The following LRRC17 variants were observed in gnomAD, a reference collection of about 807,000 sequenced individuals.
LRRC17 encodes the protein leucine rich repeat containing 17.
A neutral mutation model predicts 41.5 loss-of-function variants in LRRC17; 33 were observed. The observed-to-expected ratio is 0.80, with a 90% CI of 0.60 to 1.06. The LOEUF (loss-of-function observed/expected upper bound fraction) is 1.06, where lower values mean the gene tolerates loss of function less well. LRRC17 is among the 50% of genes least tolerant of loss of function. LRRC17 has a pLI of 0.00. For synonymous variants in LRRC17, 192 were observed against 197.0 expected (o/e 0.97, Z 0.21); for missense variants, 491 against 519.3 (o/e 0.95, Z 0.53).
intron 3 of LRRC17, among the ~76,000 whole-genome samples, chr7:102,940,640 C>A (rs1821242398): frequency 6.6e-6 from 1 of 152,206 alleles, no homozygotes; most frequent in African/African-American, 2.4e-5. Flanking sequence ...AAAATGTGCT[C>A]AAACCAGAGC....
In LRRC17 at chr7:102,945,038, C is replaced by T. The variant is rs1338668779; in HGVS notation, c.*431C>T. The T allele has an allele frequency of 6.5e-6, 1 of 153,424 alleles. No individual in the cohort carries two copies. The highest frequency in any genetic ancestry group is 2.4e-5 in the African/African-American group (1 of 41,468). 9.5% of individuals were successfully genotyped at this position (153,424 alleles called of 1,614,324 possible). ...GTTATAATAAAATGTCATTCCCTAC[C>T]CCTCTACTTTTTTTCAGTAAGTCAT... On this transcript the variant is annotated 3_prime_UTR_variant, in exon 4 of 4. Coordinates refer to ENST00000339431, the MANE Select transcript of LRRC17 (RefSeq NM_001031692.3).
intron 1 of LRRC17, chr7:102,931,951 C>G (rs771016951): frequency 6.2e-7 from 1 of 1,611,728 alleles, no homozygotes; most frequent in African/African-American, 1.3e-5. Flanking sequence ...AAATAAGTTA[C>G]ACGTCACTAA....
rs1468084797 is a variant in LRRC17 at position 102,934,315 on chromosome 7, C to T, written c.402C>T (p.Leu134=). ...TTGGTTTAAACAAACTCACCACCCT[C>T]TTACTGCAGCACAACCAGATCAAAG... The part of the protein sequence containing the change: ...AFFGLNKLTT[L]LLQHNQIKVL... The change falls in exon 2 of 4, where the codon CTC becomes CTT. Residue 134 remains leucine, a synonymous_variant. Transcript: ENST00000339431. 6.2e-7 allele frequency: 1 copy of T among 1,614,170 alleles called. No individual in the cohort carries two copies. The highest frequency in any genetic ancestry group is 2.2e-5 in the East Asian group (1 of 44,884).
chr7:102,913,098 A>C lies in LRRC17; in HGVS notation c.-188A>C, dbSNP rs114626804. ...CTGAAAGACAAACCTGGGTGCAGCC[A>C]GAGAGGTCCAGATAGATGAGCTTGT... On this transcript the variant is annotated 5_prime_UTR_variant, in exon 1 of 4. Coordinates refer to ENST00000339431, the MANE Select transcript of LRRC17 (RefSeq NM_001031692.3). 3 of 1,614,054 alleles carry C rather than the reference A, an allele frequency of 1.9e-6. No homozygotes were observed. The highest frequency in any genetic ancestry group is 2.5e-6 in the Non-Finnish European group (3 of 1,180,006).
intron 2 of LRRC17, among the ~76,000 whole-genome samples, chr7:102,938,886 A>G (rs1585042403): frequency 6.6e-6 from 1 of 152,214 alleles, no homozygotes; most frequent in African/African-American, 2.4e-5. Flanking sequence ...ATTTTTACCC[A>G]GGACTGCTGC....
rs1821595211 is a variant in LRRC17, at chr7:102,942,220, A to G, written c.929-1990A>G. On this transcript the variant is annotated intron_variant, in intron 3 of 3. Transcript: ENST00000339431. ...TAGAACAAAAGTTCTTTTGAAACAA[A>G]AAAGTATCTTGGCAGTTAAGGCAAA... 3 of 1,256,238 alleles carry G rather than the reference A, an allele frequency of 2.4e-6. No individual in the cohort carries two copies. The East Asian group carries it at 7.3e-5, about 30-fold the overall frequency. 77.8% of individuals were successfully genotyped at this position (1,256,238 alleles called of 1,614,324 possible).
intron 1 of LRRC17, among the ~76,000 whole-genome samples, chr7:102,913,992 G>A (rs1284404136): frequency 3.3e-5 from 5 of 152,180 alleles, no homozygotes; most frequent in African/African-American, 9.7e-5. Flanking sequence ...TAGTTAGGAT[G>A]AGCCTGTACT....
At position 102,931,754 on chromosome 7, in the gene LRRC17, T is replaced by C. The variant is rs1819218459; in HGVS notation, c.-140-2020T>C. 3.9e-6 allele frequency: 3 copies of C among 773,760 alleles called. No individual in the cohort carries two copies. In the Admixed American group the frequency reaches 8.0e-5, roughly 21 times the overall value. The allele number at this position is 773,760 out of a possible 1,614,324, so 47.9% of individuals were successfully genotyped here. A position where few individuals can be genotyped will look rare whatever the true frequency, so the allele number is the denominator to read the frequency against. On this transcript the variant is annotated intron_variant, in intron 1 of 3. Coordinates refer to ENST00000339431, the MANE Select transcript of LRRC17 (RefSeq NM_001031692.3). ...TGGAGTAAAATTTCTTGTCAATGTT[T>C]AACATAGTTTGCTCTTTTCCACATT...
At chr7:102,933,648 G>C in intron 1 of LRRC17, 126 bp from the exon 2 acceptor site, 1 of 243,936 alleles carries the variant, frequency 4.1e-6, no homozygotes, top group African/African-American at 2.2e-5. Context: ...AGAGGGGAAG[G>C]AGCTTTCTAC....
At position 102,934,597 on chromosome 7, in the gene LRRC17, G is replaced by A. The variant is rs772488729; in HGVS notation, c.684G>A (p.Gly228=). The stretch of plus-strand genomic sequence containing the variant: ...TGGACCCGAAACCCCAAGTGTCAGG[G>A]AGACCCCCAGTCATCAAGCCTGAGG... ...EQLDPKPQVS[G]RPPVIKPEVD... Residue 228 remains glycine, a synonymous_variant, in exon 2 of 4, where the codon GGG becomes GGA. Transcript: ENST00000339431. The A allele has an allele frequency of 3.1e-6, 5 of 1,613,990 alleles. No homozygotes were observed. The highest frequency in any genetic ancestry group is 2.5e-6 in the Non-Finnish European group (3 of 1,179,988).
In LRRC17 at chr7:102,934,082, T is replaced by C. The variant is rs781381258; in HGVS notation, c.169T>C (p.Tyr57His). The C allele has an allele frequency of 6.2e-6, 10 of 1,614,098 alleles. No individual in the cohort carries two copies. Among genetic ancestry groups the C allele is most frequent in the Non-Finnish European group, 8.5e-6 (10 of 1,180,028 alleles). ...CGCACCAGGCCTCCCGTGTGACGTGTACACATATCTCCATGAGAAATACTT... is the reference window on the plus strand; with the variant it reads ...CGCACCAGGCCTCCCGTGTGACGTGCACACATATCTCCATGAGAAATACTT... The part of the protein sequence containing the change: ...RYAPGLPCDV[Y>H]TYLHEKYLDC... Residue 57 changes from tyrosine (Y) to histidine (H), a missense_variant, in exon 2 of 4, where the codon TAC becomes CAC. Coordinates refer to ENST00000339431, the MANE Select transcript of LRRC17 (RefSeq NM_001031692.3).
rs372008638 is a variant in LRRC17 at position 102,926,292 on chromosome 7, G to A, written c.-140-7482G>A. 19 of 1,613,520 alleles carry A rather than the reference G, an allele frequency of 1.2e-5. No individual in the cohort carries two copies. The highest frequency in any genetic ancestry group is 1.6e-4 in the Middle Eastern group (1 of 6,082). On this transcript the variant is annotated intron_variant, in intron 1 of 3. Coordinates refer to ENST00000339431, the MANE Select transcript of LRRC17 (RefSeq NM_001031692.3). ...ACATTACCTCGGCAGGAGTCGCATC[G>A]TCCTGTTGGTGATAGTTGTGTTAGA...
At chr7:102,926,100 C>A (rs1818076377) in intron 1 of LRRC17, among the ~76,000 whole-genome samples, 1 of 152,156 alleles carries the variant, frequency 6.6e-6, no homozygotes, top group Non-Finnish European at 1.5e-5. Context: ...CCAAGGCAGA[C>A]CAGTTCAGGC....
intron 1 of LRRC17, among the ~76,000 whole-genome samples, chr7:102,924,424 T>C (rs981234851): frequency 1.3e-5 from 2 of 151,962 alleles, no homozygotes; most frequent in African/African-American, 4.8e-5. Context: ...AATAAGCAAA[T>C]GTATATTAAA....
chr7:102,931,573 A>G (rs1189065937), intron 1 of LRRC17, among the ~76,000 whole-genome samples: 1 of 152,172 alleles, frequency 6.6e-6, no homozygotes, highest in East Asian at 1.9e-4. Context: ...AAATGAGCCT[A>G]TCATGTCTAC....
At chr7:102,917,424 A>G (rs1816121090) in intron 1 of LRRC17, among the ~76,000 whole-genome samples, 1 of 152,236 alleles carries the variant, frequency 6.6e-6, no homozygotes, top group African/African-American at 2.4e-5. Flanking sequence ...CACCTTGCAC[A>G]TACTAGTTGA....
chr7:102,939,537 C>A lies in LRRC17; in HGVS notation c.880C>A (p.Leu294Met), dbSNP rs1333428450. The A allele has an allele frequency of 6.2e-7, 1 of 1,614,008 alleles. No homozygotes were observed. The highest frequency in any genetic ancestry group is 8.5e-7 in the Non-Finnish European group (1 of 1,179,960). The change falls in exon 3 of 4, where the codon CTG (leucine) becomes ATG (methionine). Residue 294 changes from leucine to methionine, a missense_variant. By Grantham distance (15) the Leu-to-Met change is conservative. Transcript: ENST00000339431. ...CAAGGAATTTGAAGATGTTCATGAG[C>A]TGAAGAAATTAAACCTCAGCAGCAA... The part of the protein sequence containing the change: ...RPKEFEDVHE[L>M]KKLNLSSNGI...
chr7:102,942,384 A>G, intron 3 of LRRC17: 3 of 1,469,470 alleles, frequency 2.0e-6, no homozygotes, highest in Non-Finnish European at 2.8e-6. Context: ...ACTTTAAAAG[A>G]CGTGAATAAC....
Position 102,944,565 on chromosome 7 carries a change from C to T in LRRC17, c.1284C>T (p.His428=). The change falls in exon 4 of 4, where the codon CAC becomes CAT. Residue 428 remains histidine, a synonymous_variant. Coordinates refer to ENST00000339431, the MANE Select transcript of LRRC17 (RefSeq NM_001031692.3). ...DDEWEKKHRD[H]TAKKQSVIIT... ...AATGGGAAAAAAAACATAGAGATCA[C>T]ACCGCAAAGAAGCAAAGCGTAATAA... The T allele has an allele frequency of 6.2e-7, 1 of 1,612,078 alleles. No homozygotes were observed. Among genetic ancestry groups the T allele is most frequent in the Non-Finnish European group, 8.5e-7 (1 of 1,179,536 alleles).
Sources: allele counts gnomAD v4.1 joint callset (sites outside exome capture counted in the v4.1 genomes callset), GRCh38; gene constraint gnomAD v4.1.1; transcripts MANE v1.5; gene names NCBI Gene and HGNC (gene_info 2026-07-23, HGNC 2026-07-21).